The following PRIM2 variants were observed in gnomAD, a reference collection of about 807,000 sequenced individuals.
The protein encoded by PRIM2 is DNA primase subunit 2.
In PRIM2, 39 loss-of-function variants were observed where a neutral mutation model predicts 67.3. The ratio of observed to expected loss-of-function variants is 0.58; its 90% CI spans 0.45 to 0.76. The LOEUF is 0.76. Among genes scored for constraint, PRIM2 ranks in the 30% least tolerant of loss-of-function variants. The pLI is 0.00. For synonymous variants in PRIM2, 143 were observed against 198.7 expected (o/e 0.72, Z 2.36); for missense variants, 398 against 598.7 (o/e 0.66, Z 3.50).
the PRIM2 span, among the ~76,000 whole-genome samples, chr6:57,274,002 G>T: frequency 6.6e-6 from 1 of 152,146 alleles, no homozygotes; most frequent in African/African-American, 2.4e-5. Context: ...TGTCTCCGAG[G>T]AGTACCCGGC....
intron 12 of PRIM2, among the ~76,000 whole-genome samples, chr6:57,622,729 T>C (rs2127497316): frequency 1.3e-5 from 2 of 152,288 alleles, no homozygotes; most frequent in African/African-American, 4.8e-5. Flanking sequence ...CCATGAAATA[T>C]GAAAAAATGT....
rs1426801837 is a variant in PRIM2, at chr6:57,337,410, T to C, written c.459+11365T>C. On this transcript the variant is annotated intron_variant, in intron 5 of 13. Transcript: ENST00000615550. ...ACCCCAAATCAACAGAATATACATTTTTTTCAGCACCACACCACACCTATT... is the reference window on the plus strand; with the variant it reads ...ACCCCAAATCAACAGAATATACATTCTTTTCAGCACCACACCACACCTATT... Among the ~76,000 whole-genome samples the C allele has an allele frequency of 8.6e-5, 13 of 151,636 alleles. No individual in the cohort carries two copies. The East Asian group carries it at 2.5e-3, about 29-fold the overall frequency.
At chr6:57,472,617 G>T (rs1370785000) in intron 7 of PRIM2, among the ~76,000 whole-genome samples, 6 of 152,202 alleles carry the variant, frequency 3.9e-5, no homozygotes, top group Non-Finnish European at 1.5e-5. Context: ...TTGTATTTTT[G>T]TGTGGGGCAA....
chr6:57,260,446 G>C, the PRIM2 span, among the ~76,000 whole-genome samples: 2 of 152,078 alleles, frequency 1.3e-5, no homozygotes, highest in African/African-American at 4.8e-5. Context: ...ATTATTTTAT[G>C]AATAACCATT....
chr6:57,344,836 A>G (rs1411084406), intron 5 of PRIM2, among the ~76,000 whole-genome samples: 1 of 152,192 alleles, frequency 6.6e-6, no homozygotes, highest in Non-Finnish European at 1.5e-5. Flanking sequence ...TAATCAACCT[A>G]CAAAATTAGA....
intron 7 of PRIM2, among the ~76,000 whole-genome samples, chr6:57,498,789 T>C (rs1306441848): frequency 6.6e-6 from 1 of 152,208 alleles, no homozygotes; most frequent in East Asian, 1.9e-4. Context: ...AGCCACCCTC[T>C]TGTTCTTCAT....
chr6:57,542,282 GGTGA>G (rs1486650853), intron 10 of PRIM2, among the ~76,000 whole-genome samples: 8 of 152,138 alleles, frequency 5.3e-5, no homozygotes, highest in Non-Finnish European at 7.4e-5. Flanking sequence ...ATGCCCGGCT[GGTGA>G]GCTGGGTTGT....
At chr6:57,327,872 G>A (rs550105711) in intron 5 of PRIM2, among the ~76,000 whole-genome samples, 10 of 152,126 alleles carry the variant, frequency 6.6e-5, no homozygotes, top group East Asian at 1.9e-4. Flanking sequence ...GACTGAGGTC[G>A]GGGGATGGGG....
At chr6:57,341,523 C>T (rs1220949674) in intron 5 of PRIM2, among the ~76,000 whole-genome samples, 1 of 152,134 alleles carries the variant, frequency 6.6e-6, no homozygotes, top group Non-Finnish European at 1.5e-5. Context: ...AATTAAGGCA[C>T]TTGAATTCAG....
At chr6:57,589,030 G>T (rs1463047156) in intron 10 of PRIM2, among the ~76,000 whole-genome samples, 5 of 152,018 alleles carry the variant, frequency 3.3e-5, no homozygotes, top group Admixed American at 2.6e-4. Context: ...ACTTCCCTTG[G>T]GATATCAGGG....
intron 12 of PRIM2, among the ~76,000 whole-genome samples, chr6:57,631,372 G>A (rs1345297757): frequency 6.6e-6 from 1 of 152,084 alleles, no homozygotes; most frequent in Non-Finnish European, 1.5e-5. Context: ...GAGGGCTTGG[G>A]GGAGGCAATG....
At chr6:57,488,217 A>T in intron 7 of PRIM2, among the ~76,000 whole-genome samples, 1 of 152,246 alleles carries the variant, frequency 6.6e-6, no homozygotes, top group East Asian at 1.9e-4. Context: ...CTACAATCAG[A>T]GCATGCATAA....
intron 10 of PRIM2, among the ~76,000 whole-genome samples, chr6:57,571,284 G>A (rs1581996407): frequency 1.3e-5 from 2 of 152,092 alleles, no homozygotes; most frequent in Non-Finnish European, 2.9e-5. Context: ...CTACATATCA[G>A]TAAGGTAATG....
intron 7 of PRIM2, among the ~76,000 whole-genome samples, chr6:57,403,920 G>A (rs1459487846): frequency 6.7e-6 from 1 of 149,012 alleles, no homozygotes; most frequent in Non-Finnish European, 1.5e-5. Context: ...TCATTTTGGA[G>A]GCTGGTGGGG....
At chr6:57,374,840 C>T (rs1769702364) in intron 5 of PRIM2, among the ~76,000 whole-genome samples, 1 of 152,324 alleles carries the variant, frequency 6.6e-6, no homozygotes, top group East Asian at 1.9e-4. Context: ...CCTGCCTCAG[C>T]CTCCCAAATT....
At chr6:57,327,890 T>C (rs776839306) in intron 5 of PRIM2, among the ~76,000 whole-genome samples, 1 of 151,948 alleles carries the variant, frequency 6.6e-6, no homozygotes, top group Admixed American at 6.6e-5. Flanking sequence ...GGGAGGGGTG[T>C]GGATGGTTTT....
At chr6:57,562,527 C>T (rs1581991716) in intron 10 of PRIM2, among the ~76,000 whole-genome samples, 2 of 152,152 alleles carry the variant, frequency 1.3e-5, no homozygotes, top group East Asian at 1.9e-4. Flanking sequence ...GGCATATTTT[C>T]AGCCTAACCA....
rs1237221523 is a variant in PRIM2, at chr6:57,641,420, C to A, written c.1300-4508C>A. Among the ~76,000 whole-genome samples the A allele has an allele frequency of 4.8e-3, 727 of 151,952 alleles. 4 individuals carry two copies. The highest frequency in any genetic ancestry group is 0.01 in the Middle Eastern group (3 of 294). ...TAATTAAACTAAAGAGCTTTTGCAC[C>A]GCAAAAGAAACTATCATCAGAGTGA... On this transcript the variant is annotated intron_variant, in intron 13 of 13. Transcript: ENST00000615550.
At chr6:57,527,308 G>A (rs1483304852) in intron 8 of PRIM2, among the ~76,000 whole-genome samples, 2 of 152,186 alleles carry the variant, frequency 1.3e-5, no homozygotes, top group African/African-American at 2.4e-5. Context: ...AGGCTAAATA[G>A]TTTTTATCTT....
Sources: gnomAD v4.1 joint callset for allele counts (sites outside exome capture counted in the v4.1 genomes callset) on GRCh38, gnomAD v4.1.1 for gene constraint, MANE v1.5 for transcripts, NCBI Gene and HGNC (gene_info 2026-07-23, HGNC 2026-07-21) for gene names.